The following SNX29 variants were observed in gnomAD, a reference collection of about 807,000 sequenced individuals.
SNX29 encodes the protein sorting nexin-29.
A neutral mutation model predicts 102.1 loss-of-function variants in SNX29; 78 were observed. The ratio of observed to expected loss-of-function variants is 0.76; its 90% CI spans 0.64 to 0.92. The LOEUF (loss-of-function observed/expected upper bound fraction) is 0.92, where lower values mean the gene tolerates loss of function less well. Among genes scored for constraint, SNX29 ranks in the 40% least tolerant of loss-of-function variants. SNX29 has a pLI of 0.00. For synonymous variants in SNX29, 580 were observed against 414.5 expected (o/e 1.40, Z -4.85); for missense variants, 1,280 against 1,061.7 (o/e 1.21, Z -2.86).
chr16:12,481,248 C>T (rs527315627), intron 19 of SNX29, among the ~76,000 whole-genome samples: 9 of 152,084 alleles, frequency 5.9e-5, no homozygotes, highest in Non-Finnish European at 8.8e-5. Flanking sequence ...TGGTCCTGCT[C>T]CCACTGGTGG....
At chr16:12,115,004 C>T (rs2053638860) in intron 11 of SNX29, among the ~76,000 whole-genome samples, 1 of 152,194 alleles carries the variant, frequency 6.6e-6, no homozygotes, top group Admixed American at 6.5e-5. Context: ...ATTAGGAACA[C>T]TTAACTTCTC....
chr16:12,515,286 G>A (rs117465015), intron 19 of SNX29, among the ~76,000 whole-genome samples: 4 of 152,144 alleles, frequency 2.6e-5, no homozygotes, highest in Admixed American at 6.5e-5. Flanking sequence ...TAAGTTCCAC[G>A]AAGGCGGGAT....
chr16:12,275,172 G>T (rs1007547385), intron 14 of SNX29, among the ~76,000 whole-genome samples: 4 of 152,176 alleles, frequency 2.6e-5, no homozygotes, highest in African/African-American at 9.7e-5. Flanking sequence ...ATCTGGCTGT[G>T]CCATTCCACT....
chr16:12,544,155 AAG>A (rs1282967917), intron 20 of SNX29, among the ~76,000 whole-genome samples: 1 of 152,204 alleles, frequency 6.6e-6, no homozygotes, highest in African/African-American at 2.4e-5. Flanking sequence ...CATCATTCCT[AAG>A]AACACGGGAT....
At chr16:12,276,673 T>G in intron 14 of SNX29, among the ~76,000 whole-genome samples, 1 of 152,232 alleles carries the variant, frequency 6.6e-6, no homozygotes, top group Non-Finnish European at 1.5e-5. Flanking sequence ...TCCACATTCT[T>G]AAACATGCTG....
intron 10 of SNX29, among the ~76,000 whole-genome samples, chr16:12,076,108 C>G (rs995627263): frequency 1.2e-4 from 19 of 152,200 alleles, no homozygotes; most frequent in African/African-American, 4.6e-4. Context: ...TCCCTGACCC[C>G]TTGCGCTTCC....
chr16:12,036,733 G>C (rs1249349499), intron 4 of SNX29, among the ~76,000 whole-genome samples: 2 of 152,140 alleles, frequency 1.3e-5, no homozygotes. Flanking sequence ...CACCCCGCAT[G>C]GCTGTGGAGC....
chr16:12,540,312 C>G (rs1000509353), intron 20 of SNX29, among the ~76,000 whole-genome samples: 5 of 152,154 alleles, frequency 3.3e-5, no homozygotes, highest in African/African-American at 7.2e-5. Context: ...GCCCCACCCT[C>G]TTGGGACCAC....
intron 14 of SNX29, among the ~76,000 whole-genome samples, chr16:12,226,240 T>G (rs973915989): frequency 6.6e-6 from 1 of 152,158 alleles, no homozygotes; most frequent in Admixed American, 6.5e-5. Context: ...TCTGGGAGTT[T>G]GGGATGTCGT....
intron 18 of SNX29, among the ~76,000 whole-genome samples, chr16:12,446,783 A>G (rs554878410): frequency 7.9e-5 from 12 of 152,304 alleles, no homozygotes; most frequent in South Asian, 6.2e-4. Flanking sequence ...TAAGCTCTCA[A>G]TATGAAATGG....
At chr16:12,236,893 G>T (rs543139989) in intron 14 of SNX29, among the ~76,000 whole-genome samples, 1 of 152,230 alleles carries the variant, frequency 6.6e-6, no homozygotes. Flanking sequence ...TGCTTGACAC[G>T]TGGTGAAGGT....
At chr16:11,996,248 G>A (rs1345608725) in intron 1 of SNX29, among the ~76,000 whole-genome samples, 1 of 152,052 alleles carries the variant, frequency 6.6e-6, no homozygotes, top group Non-Finnish European at 1.5e-5. Context: ...TCTGTGAGTG[G>A]TGCCCTGTGC....
intron 18 of SNX29, among the ~76,000 whole-genome samples, chr16:12,408,205 A>G (rs1280106216): frequency 2.0e-5 from 3 of 151,774 alleles, no homozygotes; most frequent in Non-Finnish European, 4.4e-5. Context: ...CAGCTGGGAC[A>G]GTCACCCTCA....
intron 14 of SNX29, among the ~76,000 whole-genome samples, chr16:12,228,133 A>C (rs1358562776): frequency 6.6e-6 from 1 of 152,024 alleles, no homozygotes; most frequent in Non-Finnish European, 1.5e-5. Flanking sequence ...AGAATGTCAG[A>C]CCTTACCGTC....
intron 14 of SNX29, among the ~76,000 whole-genome samples, chr16:12,206,101 G>C (rs576649360): frequency 1.3e-5 from 2 of 152,118 alleles, no homozygotes; most frequent in South Asian, 2.1e-4. Flanking sequence ...TCTCCTGATC[G>C]TGTGTGGTTT....
At chr16:12,445,311 G>T (rs1265149432) in intron 18 of SNX29, among the ~76,000 whole-genome samples, 1 of 152,208 alleles carries the variant, frequency 6.6e-6, no homozygotes, top group South Asian at 2.1e-4. Context: ...TCATCTGGCT[G>T]GCTGCAGAAG....
chr16:12,130,172 C>T (rs1442773961), intron 13 of SNX29, among the ~76,000 whole-genome samples: 1 of 145,206 alleles, frequency 6.9e-6, no homozygotes, highest in Admixed American at 6.9e-5. Context: ...TTCACCTGGA[C>T]TTTTTAGTTA....
At chr16:12,260,604 G>A (rs1444048592) in intron 14 of SNX29, among the ~76,000 whole-genome samples, 5 of 152,206 alleles carry the variant, frequency 3.3e-5, no homozygotes, top group Admixed American at 1.3e-4. Flanking sequence ...CTTGGAGTGC[G>A]TTCCACCTTC....
chr16:12,530,228 G>A (rs1292137417), intron 20 of SNX29, among the ~76,000 whole-genome samples: 1 of 152,192 alleles, frequency 6.6e-6, no homozygotes, highest in Non-Finnish European at 1.5e-5. Context: ...CCACTGAGGA[G>A]GAAAGTGGTC....
Sources: allele counts gnomAD v4.1 joint callset (sites outside exome capture counted in the v4.1 genomes callset), GRCh38; gene constraint gnomAD v4.1.1; transcripts MANE v1.5; gene names NCBI Gene and HGNC (gene_info 2026-07-23, HGNC 2026-07-21).